RAI14: variants seen among roughly 807,000 people sequenced by gnomAD.
RAI14 encodes ankycorbin.
A neutral mutation model predicts 115.4 loss-of-function variants in RAI14; 45 were observed. That is an observed-to-expected ratio of 0.39 (90% CI 0.31 to 0.50). The LOEUF (loss-of-function observed/expected upper bound fraction) is 0.50, where lower values mean the gene tolerates loss of function less well. RAI14 is among the 20% of genes least tolerant of loss of function. The pLI is 0.85. For synonymous variants in RAI14, 371 were observed against 415.4 expected (o/e 0.89, Z 1.30); for missense variants, 939 against 1,131.2 (o/e 0.83, Z 2.44).
chr5:34,692,563 TC>T (rs1447505324), intron 2 of RAI14, among the ~76,000 whole-genome samples: 1 of 150,630 alleles, frequency 6.6e-6, no homozygotes, highest in Non-Finnish European at 1.5e-5. Context: ...AAAATCCAAG[TC>T]TCTCTGTAGA....
chr5:34,731,105 A>G (rs774245994), intron 2 of RAI14, among the ~76,000 whole-genome samples: 71 of 152,344 alleles, frequency 4.7e-4, no homozygotes, highest in Middle Eastern at 6.8e-3. Context: ...TTATGCTAGA[A>G]AAGAGATAAC....
chr5:34,794,855 G>T (rs896854294), intron 3 of RAI14, among the ~76,000 whole-genome samples: 2 of 152,258 alleles, frequency 1.3e-5, no homozygotes, highest in Admixed American at 6.5e-5. Flanking sequence ...CCAGTTGAAT[G>T]TTACCCTGGA....
intron 2 of RAI14, among the ~76,000 whole-genome samples, chr5:34,702,216 C>T (rs1740166034): frequency 2.0e-5 from 3 of 152,222 alleles, no homozygotes; most frequent in African/African-American, 7.2e-5. Context: ...TAGACAACCT[C>T]CTCCTAGCTA....
chr5:34,807,330 AG>A (rs1161557077), intron 5 of RAI14, among the ~76,000 whole-genome samples: 1 of 152,156 alleles, frequency 6.6e-6, no homozygotes, highest in Non-Finnish European at 1.5e-5. Context: ...GGAAACATGA[AG>A]GTTTTTGGTG....
chr5:34,664,653 G>A (rs1742969221), intron 1 of RAI14, among the ~76,000 whole-genome samples: 1 of 151,660 alleles, frequency 6.6e-6, no homozygotes, highest in African/African-American at 2.4e-5. Flanking sequence ...GGGTTATTGG[G>A]GAACTGGGTG....
At chr5:34,735,657 T>C (rs531624485) in intron 2 of RAI14, among the ~76,000 whole-genome samples, 1 of 152,356 alleles carries the variant, frequency 6.6e-6, no homozygotes, top group South Asian at 2.1e-4. Flanking sequence ...ACACTCTAAC[T>C]TGTATAAAGA....
chr5:34,691,960 C>A (rs2149898530), intron 2 of RAI14, among the ~76,000 whole-genome samples: 1 of 152,228 alleles, frequency 6.6e-6, no homozygotes, highest in Admixed American at 6.5e-5. Context: ...GAGTTTCTTG[C>A]CTATTAAGAT....
chr5:34,769,609 G>T (rs140976171), intron 3 of RAI14, among the ~76,000 whole-genome samples: 1 of 152,326 alleles, frequency 6.6e-6, no homozygotes, highest in East Asian at 1.9e-4. Context: ...AGGAGAAAAG[G>T]CTTAGTAATT....
intron 2 of RAI14, among the ~76,000 whole-genome samples, chr5:34,690,190 AT>A (rs1379056334): frequency 6.6e-6 from 1 of 152,294 alleles, no homozygotes; most frequent in African/African-American, 2.4e-5. Flanking sequence ...GCTTACAAAC[AT>A]TTACATTCAG....
intron 2 of RAI14, among the ~76,000 whole-genome samples, chr5:34,749,759 AC>A (rs573174633): frequency 4.4e-4 from 67 of 152,356 alleles, no homozygotes; most frequent in African/African-American, 1.6e-3. Context: ...CATAGCTGAC[AC>A]ATTACACATG....
At chr5:34,819,560 A>G (rs1454833740) in intron 13 of RAI14, among the ~76,000 whole-genome samples, 1 of 152,176 alleles carries the variant, frequency 6.6e-6, no homozygotes, top group African/African-American at 2.4e-5. Flanking sequence ...CATAGGGTTT[A>G]ATTCATTGTG....
intron 3 of RAI14, among the ~76,000 whole-genome samples, chr5:34,764,474 C>G (rs944156774): frequency 1.3e-5 from 2 of 152,060 alleles, no homozygotes; most frequent in Non-Finnish European, 2.9e-5. Context: ...AGCGTTCCAA[C>G]AGGTGCTACA....
chr5:34,683,433 TAA>T (rs113838230), intron 1 of RAI14, among the ~76,000 whole-genome samples: 4 of 143,248 alleles, frequency 2.8e-5, no homozygotes. Flanking sequence ...ACTGCATGCT[TAA>T]AAAAAAAAAA....
In RAI14 at chr5:34,695,526, G is replaced by GCTAGTCCAAACAGTATACACCT. The variant is rs147190924; in HGVS notation, c.36+8571_36+8572insCTAGTCCAAACAGTATACACCT. On this transcript the variant is annotated intron_variant, in intron 2 of 17. Transcript: ENST00000265109. The stretch of plus-strand genomic sequence containing the variant: ...CATTTGAAATGTGCTAGTCCAAACT[G>GCTAGTCCAAACAGTATACACCT]AGGTGTATACTGTAGGTGTAAAATA... Among the ~76,000 whole-genome samples, 1,015 of 152,280 alleles carry GCTAGTCCAAACAGTATACACCT rather than the reference G, an allele frequency of 6.7e-3. 10 individuals carry two copies. Among genetic ancestry groups the GCTAGTCCAAACAGTATACACCT allele is most frequent in the African/African-American group, 0.022 (923 of 41,556 alleles).
intron 2 of RAI14, chr5:34,688,014 G>A: frequency 7.5e-7 from 1 of 1,340,398 alleles, no homozygotes; most frequent in Non-Finnish European, 1.0e-6. Context: ...CCCACTTAAA[G>A]AAAGAACTGG....
At chr5:34,730,497 G>A (rs376970943) in intron 2 of RAI14, among the ~76,000 whole-genome samples, 3 of 151,950 alleles carry the variant, frequency 2.0e-5, no homozygotes, top group African/African-American at 2.4e-5. Flanking sequence ...TCAACATGGC[G>A]AAACCCCGTC....
chr5:34,671,051 G>A (rs1743586029), intron 1 of RAI14, among the ~76,000 whole-genome samples: 1 of 152,022 alleles, frequency 6.6e-6, no homozygotes, highest in African/African-American at 2.4e-5. Context: ...AGAAAACTTG[G>A]GGCTAGGATA....
In RAI14 at chr5:34,783,074, A is replaced by G. The variant is rs142347215; in HGVS notation, c.168-12865A>G. On this transcript the variant is annotated intron_variant, in intron 3 of 17. Transcript: ENST00000265109. ...TGTGTCAGATCGATTATATCCAGGC[A>G]TTATTGCCAGCCAAGATTGATAAAT... Among the ~76,000 whole-genome samples the G allele has an allele frequency of 3.9e-5, 6 of 152,340 alleles. No individual in the cohort carries two copies. The East Asian group carries it at 1.2e-3, about 29-fold the overall frequency.
At chr5:34,765,062 G>A (rs971549205) in intron 3 of RAI14, among the ~76,000 whole-genome samples, 1 of 152,178 alleles carries the variant, frequency 6.6e-6, no homozygotes, top group Non-Finnish European at 1.5e-5. Flanking sequence ...TCTTGCCGTT[G>A]CTATGTAAGA....
Sources: gnomAD v4.1 joint callset for allele counts (sites outside exome capture counted in the v4.1 genomes callset) on GRCh38, gnomAD v4.1.1 for gene constraint, MANE v1.5 for transcripts, NCBI Gene and HGNC (gene_info 2026-07-23, HGNC 2026-07-21) for gene names.